SMOC1: variants seen among roughly 807,000 people sequenced by gnomAD.
SMOC1 encodes the protein SPARC-related modular calcium-binding protein 1.
Under a neutral mutation model 56.3 loss-of-function variants are expected in SMOC1, and 22 were observed. The ratio of observed to expected loss-of-function variants is 0.39; its 90% CI spans 0.28 to 0.56. The LOEUF is 0.56. Among genes scored for constraint, SMOC1 ranks in the 20% least tolerant of loss-of-function variants. The pLI, the probability that SMOC1 is intolerant of heterozygous loss-of-function variation, is 0.61. For synonymous variants in SMOC1, 193 were observed against 215.0 expected, an observed-to-expected ratio of 0.90 and a Z score of 0.89; for missense variants, 509 against 565.4, an observed-to-expected ratio of 0.90 and a Z score of 1.01.
At chr14:69,885,197 C>T (rs1883761993) in intron 1 of SMOC1, 11 of 548,374 alleles carry the variant, frequency 2.0e-5, no homozygotes, top group Non-Finnish European at 3.1e-6. Context: ...TCCAACATTA[C>T]TCTCTAGGAA....
In SMOC1 at chr14:69,885,775, A is replaced by C. The variant is rs1883786796; in HGVS notation, c.99+5998A>C. ...TCTTCGGGACGTCCCCTTTGCCAGC[A>C]GCTTTCTTCTCGGCCCGGGCCAACA... is the stretch of plus-strand genomic sequence containing the variant. On this transcript the variant is annotated intron_variant, in intron 1 of 11. Coordinates refer to ENST00000361956, the MANE Select transcript of SMOC1 (RefSeq NM_001034852.3). 8.4e-6 allele frequency: 13 copies of C among 1,545,256 alleles called. No homozygotes were observed. In the East Asian group the frequency reaches 2.9e-4, roughly 35 times the overall value.
At position 69,975,754 on chromosome 14, in the gene SMOC1, A is replaced by G; in HGVS notation, c.418A>G (p.Thr140Ala). 1.2e-6 allele frequency: 2 copies of G among 1,612,994 alleles called. No homozygotes were observed. The highest frequency in any genetic ancestry group is 1.7e-6 in the Non-Finnish European group (2 of 1,179,968). The stretch of plus-strand genomic sequence containing the variant: ...TTACACTGGGTACTGCTGGTGTGTC[A>G]CCCCGGATGGGAAGCCCATCAGTGG... ...HTYTGYCWCVTPDGKPISGSS... is the reference protein window; with the variant it reads ...HTYTGYCWCVAPDGKPISGSS... The change falls in exon 4 of 12, where the codon ACC becomes GCC. Residue 140 changes from threonine (T) to alanine (A), a missense_variant. Around this residue, in one of 3 missense-constraint regions of SMOC1, gnomAD observed 315 missense variants for 333.1 expected, o/e 0.95. Transcript: ENST00000361956.
In SMOC1 at chr14:69,965,083, A is replaced by G. The variant is rs546226618; in HGVS notation, c.379-10632A>G. Among the ~76,000 whole-genome samples, 5 of 152,288 alleles carry G rather than the reference A, an allele frequency of 3.3e-5. No individual in the cohort carries two copies. The South Asian group carries it at 1.0e-3, about 32-fold the overall frequency. On this transcript the variant is annotated intron_variant, in intron 3 of 11. Coordinates refer to ENST00000361956, the MANE Select transcript of SMOC1 (RefSeq NM_001034852.3). ...CAGAGATAACAACCAAAGGATGGAT[A>G]AAAAGATGACTAGGCCGGGTGCAGT...
At chr14:70,016,194 C>T (rs1454749928) in intron 10 of SMOC1, among the ~76,000 whole-genome samples, 1 of 152,180 alleles carries the variant, frequency 6.6e-6, no homozygotes, top group Non-Finnish European at 1.5e-5. Flanking sequence ...CCTCAAATGA[C>T]AGACAGAAGG....
At chr14:70,005,260 G>T (rs1228057273) in intron 7 of SMOC1, among the ~76,000 whole-genome samples, 2 of 152,214 alleles carry the variant, frequency 1.3e-5, no homozygotes, top group African/African-American at 4.8e-5. Flanking sequence ...CAAGTCTGGG[G>T]ATTAGCTGAG....
At chr14:69,890,299 T>G (rs1355744665) in intron 1 of SMOC1, among the ~76,000 whole-genome samples, 1 of 152,254 alleles carries the variant, frequency 6.6e-6, no homozygotes, top group Non-Finnish European at 1.5e-5. Flanking sequence ...TAGATATGTC[T>G]TTCCTTATAA....
At chr14:69,934,093 G>A (rs2139399006) in intron 1 of SMOC1, among the ~76,000 whole-genome samples, 1 of 152,242 alleles carries the variant, frequency 6.6e-6, no homozygotes, top group South Asian at 2.1e-4. Context: ...GCTCATAGAG[G>A]TATGTATCTT....
chr14:69,890,164 G>C (rs1350051948), intron 1 of SMOC1, among the ~76,000 whole-genome samples: 5 of 152,184 alleles, frequency 3.3e-5, no homozygotes, highest in Admixed American at 3.3e-4. Flanking sequence ...GCATCTGTTA[G>C]TTTCTTTCCT....
In SMOC1 at chr14:70,011,471, C is replaced by A. The variant is rs1347928614; in HGVS notation, c.858-14C>A. ...CAGCCCCTCCCAACCCCCCCCATATCTCTCTTTTCCCAGCTACGTGATGCC... is the reference window on the plus strand; with the variant it reads ...CAGCCCCTCCCAACCCCCCCCATATATCTCTTTTCCCAGCTACGTGATGCC... On this transcript the variant is annotated splice_polypyrimidine_tract_variant and intron_variant, in intron 8 of 11. Coordinates refer to ENST00000361956, the MANE Select transcript of SMOC1 (RefSeq NM_001034852.3). 8.9e-6 allele frequency: 8 copies of A among 903,350 alleles called. No homozygotes were observed. The highest frequency in any genetic ancestry group is 1.2e-5 in the Non-Finnish European group (7 of 578,558). 56.0% of individuals were successfully genotyped at this position (903,350 alleles called of 1,614,324 possible).
At chr14:70,008,528 C>T (rs1270436392) in intron 7 of SMOC1, among the ~76,000 whole-genome samples, 1 of 152,218 alleles carries the variant, frequency 6.6e-6, no homozygotes, top group African/African-American at 2.4e-5. Context: ...AATCCATCAA[C>T]AGGGCCCAAG....
intron 10 of SMOC1, among the ~76,000 whole-genome samples, chr14:70,014,124 T>C (rs1448502071): frequency 1.3e-5 from 2 of 152,226 alleles, no homozygotes; most frequent in African/African-American, 4.8e-5. Context: ...CATTCATCCA[T>C]CCGCTTACCA....
intron 1 of SMOC1, among the ~76,000 whole-genome samples, chr14:69,937,232 T>A (rs1326243548): frequency 6.6e-6 from 1 of 152,188 alleles, no homozygotes; most frequent in Non-Finnish European, 1.5e-5. Context: ...TGGGATCTGC[T>A]AAGTGCAAAA....
At chr14:69,991,946 C>A (rs542599982) in intron 5 of SMOC1, among the ~76,000 whole-genome samples, 32 of 152,092 alleles carry the variant, frequency 2.1e-4, no homozygotes, top group Non-Finnish European at 3.4e-4. Flanking sequence ...TTTCCTTGAG[C>A]TCTTTAATCA....
chr14:70,027,460 G>A (rs1399269610), intron 11 of SMOC1, among the ~76,000 whole-genome samples: 1 of 152,096 alleles, frequency 6.6e-6, no homozygotes, highest in Non-Finnish European at 1.5e-5. Context: ...CAGGGGGTGA[G>A]GGTGCCACCA....
chr14:69,898,941 G>C (rs1039289095), intron 1 of SMOC1, among the ~76,000 whole-genome samples: 2 of 152,052 alleles, frequency 1.3e-5, no homozygotes, highest in African/African-American at 4.8e-5. Flanking sequence ...GTAAGATGTG[G>C]GGGGAGGAGA....
chr14:69,937,804 T>C (rs1882376754), intron 1 of SMOC1, among the ~76,000 whole-genome samples: 1 of 152,128 alleles, frequency 6.6e-6, no homozygotes, highest in Non-Finnish European at 1.5e-5. Flanking sequence ...GCTTTTGTGT[T>C]TGGTGATCTG....
intron 1 of SMOC1, among the ~76,000 whole-genome samples, chr14:69,899,620 T>G (rs753278828): frequency 1.3e-5 from 2 of 152,202 alleles, no homozygotes; most frequent in African/African-American, 2.4e-5. Flanking sequence ...CTTATAGCAA[T>G]GTGAGAACGG....
At chr14:69,885,475 G>C in intron 1 of SMOC1, 1 of 1,600,768 alleles carries the variant, frequency 6.2e-7, no homozygotes, top group Non-Finnish European at 8.5e-7. Flanking sequence ...AATTGGTCCT[G>C]ATAGCTTCCA....
intron 1 of SMOC1, among the ~76,000 whole-genome samples, chr14:69,914,577 G>GAAACAAACAAACAAAC (rs35586375): frequency 6.6e-6 from 1 of 151,160 alleles, no homozygotes; most frequent in African/African-American, 2.4e-5. Flanking sequence ...CAGTAGGAAG[G>GAAACAAACAAACAAAC]AAACAAACAA....
Sources: allele counts gnomAD v4.1 joint callset (sites outside exome capture counted in the v4.1 genomes callset), GRCh38; gene constraint gnomAD v4.1.1; regional missense constraint gnomAD v4.1.1; transcripts MANE v1.5; gene names NCBI Gene and HGNC (gene_info 2026-07-23, HGNC 2026-07-21).